RASEF: variants seen among roughly 807,000 people sequenced by gnomAD.
The protein encoded by RASEF is ras and EF-hand domain-containing protein.
Under a neutral mutation model 90.1 loss-of-function variants are expected in RASEF, and 68 were observed. That is an observed-to-expected ratio of 0.75 (90% confidence interval 0.62 to 0.92). RASEF has a LOEUF of 0.92. RASEF is among the 40% of genes least tolerant of loss of function. RASEF has a pLI of 0.00. For synonymous variants in RASEF, 331 were observed against 345.2 expected, an observed-to-expected ratio of 0.96 and a Z score of 0.46; for missense variants, 949 against 937.2, an observed-to-expected ratio of 1.01 and a Z score of -0.16.
At chr9:83,137,075 TA>T in the RASEF span, among the ~76,000 whole-genome samples, 11 of 152,264 alleles carry the variant, frequency 7.2e-5, no homozygotes, top group South Asian at 1.9e-3. Context: ...AGATTAATTA[TA>T]AAACATGATA....
At chr9:83,055,446 G>T in intron 1 of RASEF, 5 of 633,690 alleles carry the variant, frequency 7.9e-6, no homozygotes, top group Middle Eastern at 2.6e-4. Context: ...CCACTGTCTC[G>T]CACTCCGTAG....
chr9:83,121,823 G>T, the RASEF span, among the ~76,000 whole-genome samples: 1 of 106,008 alleles, frequency 9.4e-6, no homozygotes, highest in Non-Finnish European at 1.9e-5. Flanking sequence ...CAGAACTAAT[G>T]CAGAGAGCAA....
At chr9:82,991,491 G>A (rs1196302546) in intron 15 of RASEF, among the ~76,000 whole-genome samples, 2 of 152,152 alleles carry the variant, frequency 1.3e-5, no homozygotes, top group African/African-American at 4.8e-5. Context: ...CTAGGTGTGG[G>A]TTAAACAGTC....
At chr9:83,156,237 C>T in the RASEF span, among the ~76,000 whole-genome samples, 1 of 152,168 alleles carries the variant, frequency 6.6e-6, no homozygotes, top group Non-Finnish European at 1.5e-5. Flanking sequence ...GTGTTCCCTC[C>T]TCAAGCCCAT....
At chr9:83,093,492 C>G in the RASEF span, among the ~76,000 whole-genome samples, 1 of 152,240 alleles carries the variant, frequency 6.6e-6, no homozygotes, top group Non-Finnish European at 1.5e-5. Flanking sequence ...CCCCGGTGGG[C>G]TGGCACTGCT....
chr9:83,137,363 AGTAT>A, the RASEF span, among the ~76,000 whole-genome samples: 1 of 152,194 alleles, frequency 6.6e-6, no homozygotes, highest in African/African-American at 2.4e-5. Context: ...TAAGATAGTA[AGTAT>A]GTAATAAAAA....
chr9:83,055,687 T>A (rs182608296), intron 1 of RASEF: 4 of 717,714 alleles, frequency 5.6e-6, no homozygotes, highest in Non-Finnish European at 1.0e-5. Flanking sequence ...GCCAAATCTG[T>A]AATACAAAAG....
At chr9:83,082,722 A>C in the RASEF span, among the ~76,000 whole-genome samples, 1 of 152,206 alleles carries the variant, frequency 6.6e-6, no homozygotes, top group Non-Finnish European at 1.5e-5. Context: ...GCTACAATGG[A>C]GTAAATATAT....
chr9:83,168,384 A>G, the RASEF span, among the ~76,000 whole-genome samples: 11 of 152,132 alleles, frequency 7.2e-5, no homozygotes, highest in Admixed American at 7.2e-4. Context: ...GATACAGAAT[A>G]ATTGTAAATA....
rs1828588552 is a variant in RASEF, at chr9:82,981,012, A to G, written c.*1665T>C. 6.6e-6 allele frequency: 1 copy of G among 152,196 alleles called. No individual in the cohort carries two copies. Among genetic ancestry groups the G allele is most frequent in the Non-Finnish European group, 1.5e-5 (1 of 68,026 alleles). 9.4% of individuals were successfully genotyped at this position (152,196 alleles called of 1,614,324 possible). ...ATCCGGTCAATTCCCATTTTTTCAA[A>G]AAACTGATGCTTGCGGAATTTAAGG... On this transcript the variant is annotated 3_prime_UTR_variant, in exon 17 of 17. Transcript: ENST00000376447.
chr9:82,999,407 C>A (rs74786940), intron 12 of RASEF, among the ~76,000 whole-genome samples: 2 of 152,052 alleles, frequency 1.3e-5, no homozygotes, highest in South Asian at 4.1e-4. Flanking sequence ...CCCTAAACTT[C>A]TTTTTTGTAC....
chr9:83,034,095 GA>G (rs1359248214), intron 1 of RASEF, among the ~76,000 whole-genome samples: 1 of 152,194 alleles, frequency 6.6e-6, no homozygotes, highest in African/African-American at 2.4e-5. Flanking sequence ...TACTAGAACA[GA>G]AAAATATTAA....
At chr9:82,994,271 T>C (rs185370139) in intron 14 of RASEF, among the ~76,000 whole-genome samples, 3 of 152,314 alleles carry the variant, frequency 2.0e-5, no homozygotes, top group African/African-American at 7.2e-5. Context: ...GACCTCAGGA[T>C]GCAAGGGGCA....
chr9:83,023,988 T>A (rs1829490992), intron 2 of RASEF, among the ~76,000 whole-genome samples: 1 of 152,210 alleles, frequency 6.6e-6, no homozygotes, highest in African/African-American at 2.4e-5. Flanking sequence ...CACTGTGACC[T>A]AGTCCGGGGC....
the RASEF span, among the ~76,000 whole-genome samples, chr9:83,074,249 T>C: frequency 6.6e-6 from 1 of 151,660 alleles, no homozygotes; most frequent in African/African-American, 2.4e-5. Context: ...TTATCTGGAG[T>C]GGATACAGCT....
chr9:83,092,475 G>A, the RASEF span, among the ~76,000 whole-genome samples: 3 of 151,774 alleles, frequency 2.0e-5, no homozygotes, highest in Non-Finnish European at 4.4e-5. Flanking sequence ...TGCTGTGAGT[G>A]TTACAGCTCT....
intron 6 of RASEF, 27 bp from the exon 7 acceptor site, chr9:83,007,532 T>C: frequency 6.4e-7 from 1 of 1,561,728 alleles, no homozygotes; most frequent in Non-Finnish European, 8.8e-7. Flanking sequence ...TATGTTTGAG[T>C]GAGAATTAGG....
intron 2 of RASEF, among the ~76,000 whole-genome samples, chr9:83,023,030 A>G (rs553297872): frequency 6.6e-6 from 1 of 152,356 alleles, no homozygotes; most frequent in East Asian, 1.9e-4. Flanking sequence ...CAGTAAAGAT[A>G]TCAAAGTGCT....
the RASEF span, among the ~76,000 whole-genome samples, chr9:83,081,683 C>T: frequency 1.3e-5 from 2 of 152,326 alleles, no homozygotes; most frequent in African/African-American, 4.8e-5. Context: ...TTCTTTTCTT[C>T]ATAACAGAGT....
Sources: gnomAD v4.1 joint callset for allele counts (sites outside exome capture counted in the v4.1 genomes callset) on GRCh38, gnomAD v4.1.1 for gene constraint, MANE v1.5 for transcripts, NCBI Gene and HGNC (gene_info 2026-07-23, HGNC 2026-07-21) for gene names.